The following VIL1 variants were observed in gnomAD, a reference collection of about 807,000 sequenced individuals.
VIL1 encodes the protein villin 1.
VIL1 carries 86 observed loss-of-function variants against 104.0 expected under a neutral mutation model. The observed-to-expected ratio is 0.83, with a 90% CI of 0.69 to 0.99. The LOEUF (loss-of-function observed/expected upper bound fraction) is 0.99. Ranked by LOEUF, VIL1 falls within the 50% of genes least tolerant of loss-of-function variation. The pLI, the probability that VIL1 is intolerant of heterozygous loss-of-function variation, is 0.00. For missense variants in VIL1, 944 were observed against 1,054.1 expected (o/e 0.90, Z 1.45); for synonymous variants, 394 against 412.6 (o/e 0.95, Z 0.55).
chr2:218,435,598 C>T lies in VIL1; in HGVS notation c.1826+164C>T, dbSNP rs116009063. Among the ~76,000 whole-genome samples, 365 of 152,336 alleles carry T rather than the reference C, an allele frequency of 2.4e-3. 1 individual carries two copies. The highest frequency in any genetic ancestry group is 0.017 in the Middle Eastern group (5 of 294). On this transcript the variant is annotated intron_variant, in intron 15 of 19. Coordinates refer to ENST00000248444, the MANE Select transcript of VIL1 (RefSeq NM_007127.3). Reference sequence around the variant, plus strand: ...CAAGATGAATAAAGGGCAGCCCATACCCTTGGAGCCTCTTGGCACAGGGGC... The same window carrying T: ...CAAGATGAATAAAGGGCAGCCCATATCCTTGGAGCCTCTTGGCACAGGGGC...
At chr2:218,449,006 A>C (rs911924249) in intron 19 of VIL1, among the ~76,000 whole-genome samples, 1 of 18,848 alleles carries the variant, frequency 5.3e-5, no homozygotes, top group South Asian at 0.033. Flanking sequence ...CATGGTCTGG[A>C]AAAAAAAAAA....
intron 19 of VIL1, among the ~76,000 whole-genome samples, chr2:218,446,760 CT>C (rs71064450): frequency 7.2e-5 from 9 of 125,594 alleles, no homozygotes; most frequent in African/African-American, 3.5e-4. Context: ...GTGACCTTGA[CT>C]TTTTTTTTTT....
chr2:218,423,773 C>T lies in VIL1; in HGVS notation c.-6C>T. The T allele has an allele frequency of 6.2e-7, 1 of 1,614,136 alleles. No individual in the cohort carries two copies. The highest frequency in any genetic ancestry group is 1.1e-5 in the South Asian group (1 of 91,086). ...CCCAACGCCTTCTCCCCCAGGCTCA[C>T]TCACCATGACCAAGCTGAGCGCCCA... is the stretch of plus-strand genomic sequence containing the variant. On this transcript the variant is annotated 5_prime_UTR_variant, in exon 2 of 20. Coordinates refer to ENST00000248444, the MANE Select transcript of VIL1 (RefSeq NM_007127.3).
Position 218,439,278 on chromosome 2 carries a change from G to A in VIL1, c.2229+552G>A, listed in dbSNP as rs1574818840. 3.3e-5 allele frequency among the ~76,000 whole-genome samples: 5 copies of A among 152,032 alleles called. 1 individual carries two copies. The highest frequency in any genetic ancestry group is 3.3e-4 in the Admixed American group (5 of 15,248). ...ATAGAAGTCGGGGAGATGGGGGCAG[G>A]GAGTGAGGGGGAAGCATATTAAAAT... On this transcript the variant is annotated intron_variant, in intron 18 of 19. Transcript: ENST00000248444.
intron 14 of VIL1, among the ~76,000 whole-genome samples, 173 bp downstream of exon 14, chr2:218,434,878 C>T (rs1689161279): frequency 6.6e-6 from 1 of 152,206 alleles, no homozygotes; most frequent in South Asian, 2.1e-4. Flanking sequence ...TGGGTCTATC[C>T]TTCTGCCTCA....
Position 218,428,733 on chromosome 2 carries a change from G to A in VIL1, c.567+396G>A, listed in dbSNP as rs573385934. ...TTTGCCCAGGCTGGAGTGCAATGGC[G>A]CAATCTCAGCTCACCGCAACCTCCG... On this transcript the variant is annotated intron_variant, in intron 6 of 19. Transcript: ENST00000248444. 8.5e-5 allele frequency among the ~76,000 whole-genome samples: 13 copies of A among 152,270 alleles called. No homozygotes were observed. In the South Asian group the frequency reaches 1.0e-3, roughly 12 times the overall value.
At chr2:218,438,329 T>C (rs1218599771) in intron 17 of VIL1, among the ~76,000 whole-genome samples, 1 of 152,202 alleles carries the variant, frequency 6.6e-6, no homozygotes, top group African/African-American at 2.4e-5. Flanking sequence ...AGAGCCTACA[T>C]AGCCTAGGCA....
chr2:218,423,982 T>G (rs1427477534), intron 2 of VIL1, 129 bp downstream of exon 2: 4 of 1,035,212 alleles, frequency 3.9e-6, no homozygotes, highest in Non-Finnish European at 5.8e-6. Context: ...GCTCAGCCCC[T>G]CACCTCCCGC....
rs1689507588 is a variant in VIL1, at chr2:218,452,332, TC to T, written c.*3000del. ...TGGCCCCAACATGCTAACTGCCCCATCCCCAATTCTGGGCAAACTGATCACA... is the reference window on the plus strand; with the variant it reads ...TGGCCCCAACATGCTAACTGCCCCATCCCAATTCTGGGCAAACTGATCACA... On this transcript the variant is annotated 3_prime_UTR_variant, in exon 20 of 20. Transcript: ENST00000248444. The T allele has an allele frequency of 6.6e-6, 1 of 152,094 alleles. No individual in the cohort carries two copies. Among genetic ancestry groups the T allele is most frequent in the Admixed American group, 6.6e-5 (1 of 15,252 alleles). 9.4% of individuals were successfully genotyped at this position (152,094 alleles called of 1,614,324 possible).
Position 218,449,798 on chromosome 2 carries a change from G to GGTAA in VIL1, c.*465_*468dup, listed in dbSNP as rs1689439038. On this transcript the variant is annotated 3_prime_UTR_variant, in exon 20 of 20. Coordinates refer to ENST00000248444, the MANE Select transcript of VIL1 (RefSeq NM_007127.3). ...ACTTTCCTTACTGCCTTACTCAGTG[G>GGTAA]GTAAGTTAAAGGGCTGAAGGAGAGT... 6.0e-6 allele frequency: 1 copy of GGTAA among 165,978 alleles called. No individual in the cohort carries two copies. The highest frequency in any genetic ancestry group is 1.3e-5 in the Non-Finnish European group (1 of 75,126). 10.3% of individuals were successfully genotyped at this position (165,978 alleles called of 1,614,324 possible).
rs1415227517 is a variant in VIL1 at position 218,432,196 on chromosome 2, C to A, written c.1341+13C>A. On this transcript the variant is annotated intron_variant, in intron 12 of 19. Transcript: ENST00000248444. ...CTACGTTTGGCAGGTCAGGTCCCGC[C>A]ACGTCCCACCCAGAGCACAGCCGGC... 2.5e-6 allele frequency: 4 copies of A among 1,609,280 alleles called. No individual in the cohort carries two copies. In the Admixed American group the frequency reaches 6.7e-5, roughly 27 times the overall value.
At chr2:218,433,937 C>CTT (rs1689141883) in intron 13 of VIL1, among the ~76,000 whole-genome samples, 2 of 150,560 alleles carry the variant, frequency 1.3e-5, no homozygotes, top group Admixed American at 1.3e-4. Context: ...TGGCTCACAA[C>CTT]TGTAATCCCA....
intron 19 of VIL1, among the ~76,000 whole-genome samples, chr2:218,447,462 C>T (rs111770659): frequency 0.018 from 2,755 of 152,198 alleles, 89 homozygotes; most frequent in African/African-American, 0.062. Context: ...GGACTATAGG[C>T]GTGCACCACC....
Position 218,449,897 on chromosome 2 carries a change from A to C in VIL1, c.*561A>C, listed in dbSNP as rs892919597. 7 of 153,502 alleles carry C rather than the reference A, an allele frequency of 4.6e-5. No individual in the cohort carries two copies. The highest frequency in any genetic ancestry group is 1.7e-4 in the African/African-American group (7 of 41,454). The allele number at this position is 153,502 out of a possible 1,614,324, so 9.5% of individuals were successfully genotyped here. ...CAGTACCAGTGAGAGCAGCACTTCC[A>C]CTGGGGCTAGGCTTGAGACCTAAAG... On this transcript the variant is annotated 3_prime_UTR_variant, in exon 20 of 20. Coordinates refer to ENST00000248444, the MANE Select transcript of VIL1 (RefSeq NM_007127.3).
In VIL1 at chr2:218,434,053, C is replaced by T. The variant is rs193230841; in HGVS notation, c.1501-473C>T. On this transcript the variant is annotated intron_variant, in intron 13 of 19. Transcript: ENST00000248444. ...CTCTACTAAAAATATAAAAATTAGC[C>T]GGGCGTGGCAGTGGGTGCCTACAAT... Among the ~76,000 whole-genome samples, 57 of 151,996 alleles carry T rather than the reference C, an allele frequency of 3.8e-4. No individual in the cohort carries two copies. The East Asian group carries it at 7.0e-3, about 19-fold the overall frequency.
intron 14 of VIL1, 96 bp from the exon 15 acceptor site, chr2:218,435,193 G>C (rs1689167732): frequency 6.5e-7 from 1 of 1,532,296 alleles, no homozygotes; most frequent in Non-Finnish European, 8.9e-7. Context: ...TGACCCAGGA[G>C]AGCCCTCTTT....
intron 7 of VIL1, 28 bp downstream of exon 7, chr2:218,429,515 T>C: frequency 6.2e-7 from 1 of 1,613,444 alleles, no homozygotes; most frequent in Non-Finnish European, 8.5e-7. Context: ...TCTTCCTGGG[T>C]GCTGGGGACT....
At position 218,436,514 on chromosome 2, in the gene VIL1, G is replaced by T. The variant is rs200488507; in HGVS notation, c.1859G>T (p.Arg620Leu). The T allele has an allele frequency of 6.2e-7, 1 of 1,613,818 alleles. No individual in the cohort carries two copies. Among genetic ancestry groups the T allele is most frequent in the African/African-American group, 1.3e-5 (1 of 74,844 alleles). ...GAAGAAAACCTGGTCATCACCCCCC[G>T]GCTCTTTGAGTGTTCCAACAAGACT... ...LQEENLVITP[R>L]LFECSNKTGR... The change falls in exon 16 of 20, where the codon CGG (arginine) becomes CTG (leucine). Residue 620 changes from arginine to leucine, a missense_variant. Coordinates refer to ENST00000248444, the MANE Select transcript of VIL1 (RefSeq NM_007127.3).
At chr2:218,419,513 C>A (rs551057865) in intron 1 of VIL1, among the ~76,000 whole-genome samples, 1 of 152,166 alleles carries the variant, frequency 6.6e-6, no homozygotes, top group African/African-American at 2.4e-5. Flanking sequence ...GTCTCCCTGA[C>A]CTCACTCCCC....
Sources: gnomAD v4.1 joint callset for allele counts (sites outside exome capture counted in the v4.1 genomes callset) on GRCh38, gnomAD v4.1.1 for gene constraint, MANE v1.5 for transcripts, NCBI Gene and HGNC (gene_info 2026-07-23, HGNC 2026-07-21) for gene names.